Variants in CD163L1 observed in about 807,000 individuals in gnomAD.
CD163L1 encodes the protein scavenger receptor cysteine-rich type 1 protein M160.
Under a neutral mutation model 165.4 loss-of-function variants are expected in CD163L1, and 124 were observed. That is an observed-to-expected ratio of 0.75 (90% CI 0.65 to 0.87). The LOEUF (loss-of-function observed/expected upper bound fraction) is 0.87. Among genes scored for constraint, CD163L1 ranks in the 40% least tolerant of loss-of-function variants. The pLI, the probability that CD163L1 is intolerant of heterozygous loss-of-function variation, is 0.00. For synonymous variants in CD163L1, 585 were observed against 662.2 expected (o/e 0.88, Z 1.79); for missense variants, 1,525 against 1,799.9 (o/e 0.85, Z 2.76).
rs146092848 is a variant in CD163L1 at position 7,439,815 on chromosome 12, C to A, written c.124+1339G>T. 120 of 1,613,784 alleles carry A rather than the reference C, an allele frequency of 7.4e-5. No homozygotes were observed. In the East Asian group the frequency reaches 2.6e-3, roughly 35 times the overall value. On this transcript the variant is annotated intron_variant, in intron 2 of 19. Coordinates refer to ENST00000313599, the MANE Select transcript of CD163L1 (RefSeq NM_174941.6). Reference sequence around the variant, plus strand: ...TGTCCAGGATCTTCTCCACCTCGAACACATCCTCTCCGTCCTCCTCACTGT... The same window carrying A: ...TGTCCAGGATCTTCTCCACCTCGAAAACATCCTCTCCGTCCTCCTCACTGT...
At chr12:7,386,792 T>G (rs978785291) in intron 8 of CD163L1, among the ~76,000 whole-genome samples, 2 of 151,860 alleles carry the variant, frequency 1.3e-5, no homozygotes, top group African/African-American at 4.8e-5. Context: ...TAATAAAAAC[T>G]CTCAACAAAC....
At chr12:7,390,657 T>C (rs1416502839) in intron 8 of CD163L1, among the ~76,000 whole-genome samples, 2 of 152,194 alleles carry the variant, frequency 1.3e-5, no homozygotes, top group East Asian at 1.9e-4. Flanking sequence ...AATAGAATTA[T>C]GAAAATTTAA....
intron 4 of CD163L1, among the ~76,000 whole-genome samples, chr12:7,414,748 C>A (rs1193608777): frequency 6.6e-6 from 1 of 151,990 alleles, no homozygotes; most frequent in Non-Finnish European, 1.5e-5. Flanking sequence ...TCCCATAGAG[C>A]TATCAATGAA....
At chr12:7,336,687 A>C in the CD163L1 span, among the ~76,000 whole-genome samples, 1 of 152,130 alleles carries the variant, frequency 6.6e-6, no homozygotes, top group Non-Finnish European at 1.5e-5. Flanking sequence ...AAAAGAGGAC[A>C]CAAACAAATG....
chr12:7,406,705 C>T lies in CD163L1; in HGVS notation c.914G>A (p.Cys305Tyr), dbSNP rs768366642. The T allele has an allele frequency of 1.2e-6, 2 of 1,613,966 alleles. No individual in the cohort carries two copies. The highest frequency in any genetic ancestry group is 1.3e-5 in the African/African-American group (1 of 74,918). ...GCCAGCGAAGTGAAGTGCGGTTCCA[C>T]ATCCCAACTGCTTGCATACGACATC... The part of the protein sequence containing the change: ...AADVVCKQLG[C>Y]GTALHFAGLP... The change falls in exon 5 of 20, where the codon TGT becomes TAT. Residue 305 changes from cysteine (C) to tyrosine (Y), a missense_variant. By Grantham distance (194) the Cys-to-Tyr change is radical (BLOSUM62 -2). Transcript: ENST00000313599.
chr12:7,368,805 T>A lies in CD163L1; in HGVS notation c.4072+128A>T. On this transcript the variant is annotated intron_variant, in intron 16 of 19. Coordinates refer to ENST00000313599, the MANE Select transcript of CD163L1 (RefSeq NM_174941.6). This position sits in a 1 kb window ranked among gnomAD's most constrained non-coding sequence, Gnocchi z 4.3. ...TCACAGAGCTATTGATACCACTGGC[T>A]GCGACCCACAGACTCATATTTCTGC... is the stretch of plus-strand genomic sequence containing the variant. 9.9e-7 allele frequency: 1 copy of A among 1,010,346 alleles called. No homozygotes were observed. Among genetic ancestry groups the A allele is most frequent in the South Asian group, 1.3e-5 (1 of 74,726 alleles). 62.6% of individuals were successfully genotyped at this position (1,010,346 alleles called of 1,614,324 possible).
chr12:7,393,305 G>C (rs964852479), intron 8 of CD163L1, among the ~76,000 whole-genome samples: 8 of 152,082 alleles, frequency 5.3e-5, no homozygotes, highest in Non-Finnish European at 1.0e-4. Flanking sequence ...CACATAAACA[G>C]AACGAATGAC....
intron 8 of CD163L1, among the ~76,000 whole-genome samples, chr12:7,383,982 A>G (rs1353924825): frequency 3.9e-5 from 6 of 152,248 alleles, no homozygotes; most frequent in African/African-American, 1.4e-4. Context: ...AAGAAAATGG[A>G]TGAACTGCCT....
At chr12:7,399,245 TTC>T (rs1026520535) in intron 6 of CD163L1, among the ~76,000 whole-genome samples, 12 of 151,256 alleles carry the variant, frequency 7.9e-5, no homozygotes, top group Middle Eastern at 3.4e-3. Flanking sequence ...TCATTCTTCT[TTC>T]TCTCTCTTCT....
chr12:7,367,977 T>C (rs2136405422), intron 17 of CD163L1, 110 bp downstream of exon 17: 1 of 698,932 alleles, frequency 1.4e-6, no homozygotes, highest in East Asian at 2.5e-5. Flanking sequence ...TTCCAATCCA[T>C]CTCACTCAAA....
chr12:7,366,810 T>C (rs1354568473), intron 18 of CD163L1, among the ~76,000 whole-genome samples: 1 of 152,080 alleles, frequency 6.6e-6, no homozygotes, highest in Non-Finnish European at 1.5e-5. Context: ...CATAATAAAA[T>C]TATTTTAAAA....
At chr12:7,430,609 T>C (rs1259430456) in intron 4 of CD163L1, among the ~76,000 whole-genome samples, 1 of 152,166 alleles carries the variant, frequency 6.6e-6, no homozygotes, top group East Asian at 1.9e-4. Context: ...TTAGCATATT[T>C]GAGAGAAGGC....
rs946347833 is a variant in CD163L1, at chr12:7,441,247, C to T, written c.32-1G>A. 5.0e-6 allele frequency: 8 copies of T among 1,611,754 alleles called. No individual in the cohort carries two copies. The African/African-American group carries it at 1.1e-4, about 22-fold the overall frequency. On this transcript the variant is annotated splice_acceptor_variant, in intron 1 of 19. Transcript: ENST00000313599. LOFTEE classifies it high-confidence loss of function. ...TGATGACAGCAGCATCTTCCAAAATCTGGAGAAACAAAATATAGCAGGGTA... is the reference window on the plus strand; with the variant it reads ...TGATGACAGCAGCATCTTCCAAAATTTGGAGAAACAAAATATAGCAGGGTA...
At chr12:7,403,898 C>T in intron 5 of CD163L1, 43 bp from the exon 6 acceptor site, 1 of 1,548,042 alleles carries the variant, frequency 6.5e-7, no homozygotes, top group Non-Finnish European at 8.8e-7. Context: ...GGGTTTGGGA[C>T]AATATCATCA....
At chr12:7,361,504 A>C (rs1032624125) in intron 18 of CD163L1, among the ~76,000 whole-genome samples, 14 of 152,268 alleles carry the variant, frequency 9.2e-5, no homozygotes, top group African/African-American at 3.4e-4. Context: ...TCTTCTCTCA[A>C]ACTTAGTTGC....
chr12:7,324,573 G>C, the CD163L1 span: 2 of 1,613,886 alleles, frequency 1.2e-6, no homozygotes, highest in African/African-American at 2.7e-5. Flanking sequence ...GCTGTTGTCA[G>C]TAGTCCAGAT....
intron 14 of CD163L1, among the ~76,000 whole-genome samples, chr12:7,371,781 T>TA (rs1326952092): frequency 6.6e-6 from 1 of 151,920 alleles, no homozygotes; most frequent in Non-Finnish European, 1.5e-5. Context: ...TATCATATGG[T>TA]AAAAAATATA....
rs1459049625 is a variant in CD163L1, at chr12:7,374,291, A to C, written c.3409+151T>G. On this transcript the variant is annotated intron_variant, in intron 13 of 19. Transcript: ENST00000313599. The surrounding 1 kb of genome is among the most constrained non-coding windows in gnomAD (Gnocchi z 5.4). ...ATGTAATATGACAAGGGTATTAAGA[A>C]ATCAGTATAAGAGAATAGGATTAAA... is the stretch of plus-strand genomic sequence containing the variant. The C allele has an allele frequency of 7.1e-6, 5 of 701,976 alleles. No individual in the cohort carries two copies. Among genetic ancestry groups the C allele is most frequent in the Non-Finnish European group, 1.2e-5 (5 of 433,470 alleles). 43.5% of individuals were successfully genotyped at this position (701,976 alleles called of 1,614,324 possible).
chr12:7,375,057 T>C (rs1947235208), intron 11 of CD163L1, 134 bp from the exon 12 acceptor site: 1 of 900,494 alleles, frequency 1.1e-6, no homozygotes, highest in African/African-American at 1.7e-5. Flanking sequence ...GAAATCATTT[T>C]TATTAATGAT....
Sources: allele counts gnomAD v4.1 joint callset (sites outside exome capture counted in the v4.1 genomes callset), GRCh38; gene constraint gnomAD v4.1.1; non-coding constraint Gnocchi (gnomAD v3.1); transcripts MANE v1.5; gene names NCBI Gene and HGNC (gene_info 2026-07-23, HGNC 2026-07-21).